The following ELAPOR2 variants were observed in gnomAD, a reference collection of about 807,000 sequenced individuals.
ELAPOR2 encodes endosome-lysosome associated apoptosis and autophagy regulator family member 2.
ELAPOR2 carries 89 observed loss-of-function variants against 120.7 expected under a neutral mutation model. That is an observed-to-expected ratio of 0.74 (90% CI 0.62 to 0.88). The LOEUF (loss-of-function observed/expected upper bound fraction) is 0.88. Among genes scored for constraint, ELAPOR2 ranks in the 40% least tolerant of loss-of-function variants. The pLI, the probability that ELAPOR2 is intolerant of heterozygous loss-of-function variation, is 0.00. For synonymous variants in ELAPOR2, 444 were observed against 444.9 expected (o/e 1.00, Z 0.03); for missense variants, 1,134 against 1,251.6 (o/e 0.91, Z 1.42).
rs1341320464 is a variant in ELAPOR2 at position 86,893,076 on chromosome 7, G to A, written c.2710C>T (p.Pro904Ser). Residue 904 changes from proline (P) to serine (S), a missense_variant, in exon 20 of 22, where the codon CCT becomes TCT. Pro to Ser is a moderately conservative substitution (Grantham distance 74, BLOSUM62 -1). Transcript: ENST00000450689. Reference protein sequence around the residue: ...FQETLYVWNEPKWCIKGISLP... With the variant: ...FQETLYVWNESKWCIKGISLP... ...GAAATTCCTTTAATGCACCATTTAGGTTCATTCCACACATACAAGGTTTCC... is the reference window on the plus strand; with the variant it reads ...GAAATTCCTTTAATGCACCATTTAGATTCATTCCACACATACAAGGTTTCC... The A allele has an allele frequency of 1.3e-6, 2 of 1,557,182 alleles. No homozygotes were observed. Among genetic ancestry groups the A allele is most frequent in the African/African-American group, 2.9e-5 (2 of 70,140 alleles).
At chr7:86,972,678 C>T (rs1276504915) in intron 1 of ELAPOR2, among the ~76,000 whole-genome samples, 6 of 151,362 alleles carry the variant, frequency 4.0e-5, no homozygotes, top group Admixed American at 1.3e-4. Flanking sequence ...CACACATCCC[C>T]AACACTGAAA....
chr7:86,963,955 C>T (rs1209655531), intron 2 of ELAPOR2, among the ~76,000 whole-genome samples: 2 of 152,342 alleles, frequency 1.3e-5, no homozygotes. Flanking sequence ...TTTTCCCTAA[C>T]TTTCCTCATA....
chr7:86,973,688 A>C (rs1453526150), intron 1 of ELAPOR2, among the ~76,000 whole-genome samples: 2 of 152,190 alleles, frequency 1.3e-5, no homozygotes, highest in Non-Finnish European at 2.9e-5. Flanking sequence ...AAGGACCTGG[A>C]AGCAATCTTG....
rs1799227609 is a variant in ELAPOR2, at chr7:86,877,869, G to A, written c.*2602C>T. 6.6e-6 allele frequency: 1 copy of A among 152,140 alleles called. No homozygotes were observed. The highest frequency in any genetic ancestry group is 1.5e-5 in the Non-Finnish European group (1 of 68,028). The allele number at this position is 152,140 out of a possible 1,614,324, so 9.4% of individuals were successfully genotyped here. ...GGATGTGATTACTAGTAACTAAAGA[G>A]GGGAAAAGTCAACAATAATGAAATT... On this transcript the variant is annotated 3_prime_UTR_variant, in exon 22 of 22. Transcript: ENST00000450689.
intron 1 of ELAPOR2, among the ~76,000 whole-genome samples, chr7:87,036,415 G>T (rs920709256): frequency 6.6e-6 from 1 of 152,124 alleles, no homozygotes; most frequent in Non-Finnish European, 1.5e-5. Flanking sequence ...GCTCTGGGAG[G>T]TCAAAACTAT....
chr7:86,971,835 C>CA (rs1792117627), intron 1 of ELAPOR2, among the ~76,000 whole-genome samples: 1 of 151,704 alleles, frequency 6.6e-6, no homozygotes, highest in Admixed American at 6.6e-5. Context: ...TTGAAGGTAC[C>CA]AAAAACCTCA....
chr7:86,921,025 T>C (rs990062240), intron 10 of ELAPOR2, among the ~76,000 whole-genome samples: 11 of 152,106 alleles, frequency 7.2e-5, no homozygotes, highest in African/African-American at 2.7e-4. Context: ...CTGATCACTG[T>C]GGTGTTCAGT....
At chr7:86,938,450 T>A (rs1322697931) in intron 7 of ELAPOR2, among the ~76,000 whole-genome samples, 2 of 152,192 alleles carry the variant, frequency 1.3e-5, no homozygotes, top group East Asian at 3.9e-4. Flanking sequence ...CCAGAAGATA[T>A]TAGATTTCTT....
chr7:87,050,976 A>G (rs527454222), intron 1 of ELAPOR2, among the ~76,000 whole-genome samples: 1 of 152,328 alleles, frequency 6.6e-6, no homozygotes, highest in South Asian at 2.1e-4. Context: ...TTTGGGGAAA[A>G]TGTCAGGAGT....
chr7:86,981,884 C>T lies in ELAPOR2; in HGVS notation c.190-16860G>A, dbSNP rs193171601. 2.9e-4 allele frequency among the ~76,000 whole-genome samples: 44 copies of T among 152,308 alleles called. No homozygotes were observed. In the East Asian group the frequency reaches 7.5e-3, roughly 26 times the overall value. ...ACCTCAACTGGGAAGCACAAGGGGT[C>T]AGGGGATTTCCCTTTCCTAGCCAAG... On this transcript the variant is annotated intron_variant, in intron 1 of 21. Coordinates refer to ENST00000450689, the MANE Select transcript of ELAPOR2 (RefSeq NM_001142749.3).
chr7:87,024,304 T>A (rs1186865307), intron 1 of ELAPOR2, among the ~76,000 whole-genome samples: 1 of 152,220 alleles, frequency 6.6e-6, no homozygotes, highest in Non-Finnish European at 1.5e-5. Context: ...AGGCCTTTTC[T>A]GCATCTATTG....
intron 10 of ELAPOR2, among the ~76,000 whole-genome samples, chr7:86,922,972 T>C (rs962083114): frequency 3.3e-5 from 5 of 152,110 alleles, no homozygotes; most frequent in African/African-American, 1.2e-4. Context: ...ATAAAGTAAT[T>C]CATATTTCAC....
intron 1 of ELAPOR2, among the ~76,000 whole-genome samples, chr7:86,992,998 G>A (rs1792994947): frequency 6.6e-6 from 1 of 152,042 alleles, no homozygotes; most frequent in African/African-American, 2.4e-5. Flanking sequence ...AACACTTTGG[G>A]AGGCCGAGGC....
intron 1 of ELAPOR2, among the ~76,000 whole-genome samples, chr7:87,056,521 C>G (rs967088655): frequency 1.3e-5 from 2 of 152,206 alleles, no homozygotes; most frequent in Admixed American, 1.3e-4. Context: ...CCCAAATGAT[C>G]GCTTCCTGTT....
intron 2 of ELAPOR2, among the ~76,000 whole-genome samples, chr7:86,960,026 G>A (rs753231873): frequency 6.6e-6 from 1 of 151,934 alleles, no homozygotes; most frequent in Admixed American, 6.6e-5. Context: ...TTTTCCTTTT[G>A]TTGTTGATTT....
chr7:86,938,068 C>T lies in ELAPOR2; in HGVS notation c.1089+58G>A, dbSNP rs975324110. On this transcript the variant is annotated intron_variant, in intron 8 of 21. Coordinates refer to ENST00000450689, the MANE Select transcript of ELAPOR2 (RefSeq NM_001142749.3). ...TCTCACGAACAAATTAGAGTCTGCTCAAATTGGAAAGAAGGTTGCAAAAAT... is the reference window on the plus strand; with the variant it reads ...TCTCACGAACAAATTAGAGTCTGCTTAAATTGGAAAGAAGGTTGCAAAAAT... 6 of 1,280,478 alleles carry T rather than the reference C, an allele frequency of 4.7e-6. No individual in the cohort carries two copies. In the African/African-American group the frequency reaches 7.4e-5, roughly 16 times the overall value. The allele number at this position is 1,280,478 out of a possible 1,614,324, so 79.3% of individuals were successfully genotyped here. A position where few individuals can be genotyped will look rare whatever the true frequency, so the allele number is the denominator to read the frequency against.
At chr7:86,975,066 T>C (rs1457765404) in intron 1 of ELAPOR2, among the ~76,000 whole-genome samples, 1 of 152,120 alleles carries the variant, frequency 6.6e-6, no homozygotes. Context: ...AAAGTGGGAA[T>C]AGTCAAACGA....
intron 13 of ELAPOR2, among the ~76,000 whole-genome samples, chr7:86,913,552 C>T (rs1324015515): frequency 6.6e-6 from 1 of 152,150 alleles, no homozygotes; most frequent in Non-Finnish European, 1.5e-5. Flanking sequence ...ATCATTTATT[C>T]ACATCTTAGC....
chr7:86,922,395 T>C (rs1789871680), intron 10 of ELAPOR2, among the ~76,000 whole-genome samples: 1 of 151,754 alleles, frequency 6.6e-6, no homozygotes, highest in Non-Finnish European at 1.5e-5. Context: ...CATACTTATA[T>C]TTATCATAAA....
Sources: gnomAD v4.1 joint callset for allele counts (sites outside exome capture counted in the v4.1 genomes callset) on GRCh38, gnomAD v4.1.1 for gene constraint, MANE v1.5 for transcripts, NCBI Gene and HGNC (gene_info 2026-07-23, HGNC 2026-07-21) for gene names.